The following GPHN variants were observed in gnomAD, a reference collection of about 807,000 sequenced individuals.
GPHN encodes the protein gephyrin.
A neutral mutation model predicts 95.5 loss-of-function variants in GPHN; 17 were observed. The observed-to-expected ratio is 0.18, with a 90% CI of 0.12 to 0.27. The LOEUF is 0.27. GPHN is among the 10% of genes least tolerant of loss of function. GPHN has a pLI of 1.00. For synonymous variants in GPHN, 320 were observed against 322.5 expected, an observed-to-expected ratio of 0.99 and a Z score of 0.08; for missense variants, 660 against 978.1, an observed-to-expected ratio of 0.67 and a Z score of 4.34.
At chr14:67,142,675 C>G (rs1401702126) in intron 17 of GPHN, among the ~76,000 whole-genome samples, 1 of 152,170 alleles carries the variant, frequency 6.6e-6, no homozygotes, top group Non-Finnish European at 1.5e-5. Context: ...GGGATCCTCC[C>G]CCCTCCATTT....
intron 11 of GPHN, among the ~76,000 whole-genome samples, chr14:67,063,413 G>A (rs2075902997): frequency 6.6e-6 from 1 of 152,124 alleles, no homozygotes; most frequent in Non-Finnish European, 1.5e-5. Flanking sequence ...TTGGCAATGA[G>A]AGCTCTTTTT....
intron 1 of GPHN, among the ~76,000 whole-genome samples, chr14:66,559,006 C>T (rs370962142): frequency 0.04 from 5,974 of 151,182 alleles, 174 homozygotes; most frequent in Middle Eastern, 0.065. Flanking sequence ...TTTGTCCTTG[C>T]GATAGTTTAC....
downstream of GPHN, among the ~76,000 whole-genome samples, chr14:67,186,107 A>T (rs1258564018): frequency 6.6e-6 from 1 of 152,212 alleles, no homozygotes; most frequent in African/African-American, 2.4e-5. Flanking sequence ...TTTCTCCTGC[A>T]GTCTTTTGAA....
intron 1 of GPHN, among the ~76,000 whole-genome samples, chr14:66,592,815 T>TCTAC (rs1330207005): frequency 2.8e-4 from 43 of 152,150 alleles, no homozygotes; most frequent in Non-Finnish European, 1.0e-4. Context: ...ACCCAAAGGA[T>TCTAC]TATAAATCAT....
the GPHN span, among the ~76,000 whole-genome samples, chr14:67,556,324 T>C: frequency 6.6e-6 from 1 of 152,226 alleles, no homozygotes; most frequent in African/African-American, 2.4e-5. Context: ...TTATTAGAGA[T>C]GGGGTCTTGC....
the GPHN span, among the ~76,000 whole-genome samples, chr14:67,604,002 G>T: frequency 0.096 from 14,116 of 147,074 alleles, 743 homozygotes; most frequent in East Asian, 0.14. Context: ...TTTTGTTTTT[G>T]TTTTTTTTTT....
chr14:66,824,687 C>A, intron 4 of GPHN, 121 bp downstream of exon 4: 2 of 592,998 alleles, frequency 3.4e-6, no homozygotes, highest in South Asian at 2.1e-5. Flanking sequence ...ACTTGTAGTT[C>A]TAATAATGTG....
intron 4 of GPHN, among the ~76,000 whole-genome samples, chr14:66,873,193 C>G (rs1044563374): frequency 3.3e-5 from 5 of 152,294 alleles, no homozygotes; most frequent in Middle Eastern, 3.4e-3. Context: ...AGTCCCTCCC[C>G]TTGCCAAGGG....
At chr14:66,562,056 G>T (rs926190014) in intron 1 of GPHN, among the ~76,000 whole-genome samples, 1 of 152,184 alleles carries the variant, frequency 6.6e-6, no homozygotes, top group Admixed American at 6.5e-5. Flanking sequence ...TTAAGGACTC[G>T]TGATGAGATT....
At chr14:66,931,834 C>T (rs2066814641) in intron 8 of GPHN, among the ~76,000 whole-genome samples, 1 of 152,202 alleles carries the variant, frequency 6.6e-6, no homozygotes, top group African/African-American at 2.4e-5. Context: ...TAAAAGGTCA[C>T]ATATCTCTGT....
the GPHN span, among the ~76,000 whole-genome samples, chr14:67,693,800 G>A: frequency 6.6e-6 from 1 of 151,628 alleles, no homozygotes; most frequent in Non-Finnish European, 1.5e-5. Flanking sequence ...TCACCCATGC[G>A]CCACCACGCC....
At chr14:67,421,640 T>C in the GPHN span, among the ~76,000 whole-genome samples, 2 of 152,148 alleles carry the variant, frequency 1.3e-5, no homozygotes, top group African/African-American at 4.8e-5. Flanking sequence ...AAGGAGGGCC[T>C]ATAGGAACGA....
At chr14:66,969,942 T>C (rs2069632404) in intron 9 of GPHN, 1 of 152,096 alleles carries the variant, frequency 6.6e-6, no homozygotes, top group Non-Finnish European at 1.5e-5. Context: ...AAGAATATTT[T>C]TAAACACTAA....
Position 67,100,842 on chromosome 14 carries a change from G to T in GPHN, c.1238-14G>T, listed in dbSNP as rs367575676. ...CATACTGATGTTTGTTCTTGGCTCT[G>T]TTCCATCTCACAGCTGCTGATGGCC... On this transcript the variant is annotated splice_polypyrimidine_tract_variant and intron_variant, in intron 12 of 22. Transcript: ENST00000478722. 5.7e-6 allele frequency: 9 copies of T among 1,583,236 alleles called. No individual in the cohort carries two copies. Among genetic ancestry groups the T allele is most frequent in the African/African-American group, 4.0e-5 (3 of 74,412 alleles).
the GPHN span, among the ~76,000 whole-genome samples, chr14:67,391,564 T>C: frequency 1.3e-5 from 2 of 152,146 alleles, no homozygotes; most frequent in African/African-American, 4.8e-5. Flanking sequence ...CAACAGCACA[T>C]GCTCCGAGTA....
At chr14:66,908,716 T>C (rs2065514385) in intron 5 of GPHN, among the ~76,000 whole-genome samples, 1 of 152,066 alleles carries the variant, frequency 6.6e-6, no homozygotes, top group African/African-American at 2.4e-5. Flanking sequence ...ATTAGTCAGA[T>C]TGATAGCATA....
intron 1 of GPHN, among the ~76,000 whole-genome samples, chr14:66,675,319 A>G (rs1171550436): frequency 2.6e-5 from 4 of 151,654 alleles, no homozygotes; most frequent in African/African-American, 9.7e-5. Flanking sequence ...TAATTTTTGT[A>G]TTTTTAGTAG....
intron 1 of GPHN, among the ~76,000 whole-genome samples, chr14:66,518,133 AAAAC>A (rs1472662564): frequency 8.0e-6 from 1 of 124,272 alleles, no homozygotes; most frequent in East Asian, 2.5e-4. Context: ...AACCCAGAAA[AAAAC>A]AAAACAAAAA....
the GPHN span, chr14:67,592,511 G>A: frequency 1.8e-5 from 11 of 616,394 alleles, no homozygotes; most frequent in Non-Finnish European, 2.6e-5. Flanking sequence ...TCAAATAACT[G>A]AAATCCTAAT....
Sources: gnomAD v4.1 joint callset for allele counts (sites outside exome capture counted in the v4.1 genomes callset) on GRCh38, gnomAD v4.1.1 for gene constraint, MANE v1.5 for transcripts, NCBI Gene and HGNC (gene_info 2026-07-23, HGNC 2026-07-21) for gene names.